CTNNA2: variants seen among roughly 807,000 people sequenced by gnomAD.
CTNNA2 encodes catenin alpha-2.
Under a neutral mutation model 101.0 loss-of-function variants are expected in CTNNA2, and 42 were observed. That is an observed-to-expected ratio of 0.42 (90% CI 0.32 to 0.54). CTNNA2 has a LOEUF of 0.54. Among genes scored for constraint, CTNNA2 ranks in the 20% least tolerant of loss-of-function variants. CTNNA2 has a pLI of 0.14. For missense variants in CTNNA2, 871 were observed against 1,223.1 expected (o/e 0.71, Z 4.29); for synonymous variants, 450 against 456.4 (o/e 0.99, Z 0.18).
intron 7 of CTNNA2, among the ~76,000 whole-genome samples, chr2:80,078,849 C>G (rs1698931263): frequency 6.6e-6 from 1 of 152,174 alleles, no homozygotes; most frequent in Non-Finnish European, 1.5e-5. Flanking sequence ...GTCTTATTCT[C>G]CCTCCCTTTT....
intron 7 of CTNNA2, among the ~76,000 whole-genome samples, chr2:80,268,740 G>A (rs1673213012): frequency 6.6e-6 from 1 of 152,078 alleles, no homozygotes; most frequent in Admixed American, 6.5e-5. Context: ...ATTGGTATGG[G>A]ATACATATGA....
intron 18 of CTNNA2, among the ~76,000 whole-genome samples, chr2:80,647,130 CAAG>C (rs551896429): frequency 1.1e-3 from 170 of 152,158 alleles, no homozygotes; most frequent in African/African-American, 3.8e-3. Context: ...CTCATAGAAG[CAAG>C]AACACCCATG....
chr2:80,538,285 G>T (rs915595389), intron 9 of CTNNA2, among the ~76,000 whole-genome samples: 5 of 151,938 alleles, frequency 3.3e-5, no homozygotes, highest in Non-Finnish European at 5.9e-5. Context: ...TTTTTTAGTC[G>T]TGAAGCCTTT....
intron 2 of CTNNA2, among the ~76,000 whole-genome samples, chr2:79,212,114 C>T (rs1674182307): frequency 2.0e-5 from 3 of 152,162 alleles, no homozygotes; most frequent in Non-Finnish European, 4.4e-5. Flanking sequence ...CAGCATAGCC[C>T]TGCCAGCAAA....
chr2:80,160,839 C>T (rs1291767591), intron 7 of CTNNA2, among the ~76,000 whole-genome samples: 1 of 151,226 alleles, frequency 6.6e-6, no homozygotes, highest in African/African-American at 2.4e-5. Context: ...CCTTGGTTTC[C>T]AATCTTATAG....
Position 80,405,465 on chromosome 2 carries a change from T to C in CTNNA2, c.1137+12174T>C, listed in dbSNP as rs148103727. Among the ~76,000 whole-genome samples, 892 of 152,194 alleles carry C rather than the reference T, an allele frequency of 5.9e-3. 9 individuals carry two copies. The highest frequency in any genetic ancestry group is 0.02 in the African/African-American group (841 of 41,530). ...TTAAAATTCTTTAATGGGAAGAGCA[T>C]AAGGTAAATATCAATTATTAAAGAG... On this transcript the variant is annotated intron_variant, in intron 8 of 18. Transcript: ENST00000402739.
At chr2:79,357,884 T>C (rs1049091930) in intron 3 of CTNNA2, among the ~76,000 whole-genome samples, 14 of 152,192 alleles carry the variant, frequency 9.2e-5, no homozygotes, top group Admixed American at 8.5e-4. Context: ...GAAGGTGCTG[T>C]AAAACATCTT....
chr2:80,353,741 T>C (rs1187166187), intron 7 of CTNNA2, among the ~76,000 whole-genome samples: 1 of 152,076 alleles, frequency 6.6e-6, no homozygotes, highest in Non-Finnish European at 1.5e-5. Flanking sequence ...CAAGATCGAA[T>C]GAGATAACCC....
intron 7 of CTNNA2, among the ~76,000 whole-genome samples, chr2:80,266,396 A>C (rs1403564608): frequency 6.6e-6 from 1 of 152,178 alleles, no homozygotes. Context: ...GTAGGTGGCT[A>C]AGAGAGTGTG....
At chr2:79,793,627 C>A (rs1254641989) in intron 3 of CTNNA2, among the ~76,000 whole-genome samples, 2 of 152,014 alleles carry the variant, frequency 1.3e-5, no homozygotes, top group African/African-American at 4.8e-5. Flanking sequence ...AATAAAGGGG[C>A]AGTTAGTGCA....
intron 3 of CTNNA2, among the ~76,000 whole-genome samples, chr2:79,766,177 G>A (rs1261345556): frequency 1.3e-5 from 2 of 152,102 alleles, no homozygotes; most frequent in Admixed American, 6.6e-5. Context: ...CTTTCTTATT[G>A]AAGTGCTTCC....
Position 79,991,584 on chromosome 2 carries a change from G to A in CTNNA2, c.1056+81787G>A, listed in dbSNP as rs188023414. ...GTACAGTAAACGTAGTGCTCGGCAT[G>A]CAAGCAGCATTCAACAAACTATAAA... On this transcript the variant is annotated intron_variant, in intron 7 of 18. Transcript: ENST00000402739. 8.3e-4 allele frequency among the ~76,000 whole-genome samples: 127 copies of A among 152,346 alleles called. 1 individual carries two copies. Among genetic ancestry groups the A allele is most frequent in the Non-Finnish European group, 1.5e-3 (99 of 68,034 alleles).
At chr2:79,467,898 C>T (rs1025797838) in intron 4 of CTNNA2, among the ~76,000 whole-genome samples, 2 of 152,148 alleles carry the variant, frequency 1.3e-5, no homozygotes, top group Non-Finnish European at 1.5e-5. Flanking sequence ...TGGAAAGGAA[C>T]AACTGGTACC....
chr2:79,364,909 C>T (rs189849815), intron 3 of CTNNA2, among the ~76,000 whole-genome samples: 31 of 152,264 alleles, frequency 2.0e-4, no homozygotes, highest in Admixed American at 1.8e-3. Context: ...ACATACATCA[C>T]TCTTCATAAT....
At chr2:79,374,509 AAT>A (rs558345478) in intron 4 of CTNNA2, among the ~76,000 whole-genome samples, 1 of 55,830 alleles carries the variant, frequency 1.8e-5, no homozygotes, top group South Asian at 5.6e-4. Flanking sequence ...TCATTAGAGT[AAT>A]ATATATATAT....
chr2:80,299,167 C>T (rs1404136671), intron 7 of CTNNA2: 1 of 151,908 alleles, frequency 6.6e-6, no homozygotes, highest in African/African-American at 2.4e-5. Flanking sequence ...GAGATTAGCA[C>T]CCTCTGTGGG....
In CTNNA2 at chr2:79,939,013, A is replaced by G. The variant is rs543141782; in HGVS notation, c.1056+29216A>G. On this transcript the variant is annotated intron_variant, in intron 7 of 18. Transcript: ENST00000402739. ...ATCGATATTAACAGGTGGAGTGTGC[A>G]CTGGGTTCCAACATAATCATGTTAC... Among the ~76,000 whole-genome samples the G allele has an allele frequency of 2.0e-5, 3 of 152,290 alleles. No homozygotes were observed. The East Asian group carries it at 5.8e-4, about 29-fold the overall frequency.
intron 2 of CTNNA2, among the ~76,000 whole-genome samples, chr2:79,209,561 T>C (rs532765401): frequency 6.6e-6 from 1 of 152,354 alleles, no homozygotes; most frequent in South Asian, 2.1e-4. Flanking sequence ...TTCTACACTT[T>C]TCTGAAAACT....
At chr2:80,051,006 G>T (rs142505878) in intron 7 of CTNNA2, among the ~76,000 whole-genome samples, 17 of 152,288 alleles carry the variant, frequency 1.1e-4, no homozygotes, top group Middle Eastern at 3.4e-3. Flanking sequence ...GATTACAGGC[G>T]TGAGCCATGA....
Sources: allele counts gnomAD v4.1 joint callset (sites outside exome capture counted in the v4.1 genomes callset), GRCh38; gene constraint gnomAD v4.1.1; transcripts MANE v1.5; gene names NCBI Gene and HGNC (gene_info 2026-07-23, HGNC 2026-07-21).